The following DCDC1 variants were observed in gnomAD, a reference collection of about 807,000 sequenced individuals.
DCDC1 encodes doublecortin domain-containing protein 1.
In DCDC1, 200 loss-of-function variants were observed where a neutral mutation model predicts 178.3. The ratio of observed to expected loss-of-function variants is 1.12; its 90% CI spans 1.00 to 1.26. DCDC1 has a LOEUF of 1.26. DCDC1 is among the 50% of genes most tolerant of loss of function. DCDC1 has a pLI of 0.00. For synonymous variants in DCDC1, 690 were observed against 604.8 expected, an observed-to-expected ratio of 1.14 and a Z score of -2.07; for missense variants, 1,983 against 1,749.2, an observed-to-expected ratio of 1.13 and a Z score of -2.38.
chr11:31,052,562 C>T (rs948334331), intron 20 of DCDC1, among the ~76,000 whole-genome samples: 1 of 152,102 alleles, frequency 6.6e-6, no homozygotes, highest in Non-Finnish European at 1.5e-5. Context: ...TTCCATTCAA[C>T]AGTGCATGGA....
chr11:31,155,006 T>C (rs1424534090), intron 9 of DCDC1, among the ~76,000 whole-genome samples: 2 of 152,242 alleles, frequency 1.3e-5, no homozygotes, highest in Non-Finnish European at 2.9e-5. Context: ...AACTTGTAAC[T>C]AATATATAAC....
Position 30,928,040 on chromosome 11 carries a change from A to G in DCDC1, c.2898-2632T>C, listed in dbSNP as rs773374347. Among the ~76,000 whole-genome samples the G allele has an allele frequency of 2.6e-5, 4 of 152,140 alleles. No individual in the cohort carries two copies. The East Asian group carries it at 5.8e-4, about 22-fold the overall frequency. On this transcript the variant is annotated intron_variant, in intron 22 of 38. Transcript: ENST00000684477. ...ACCTCATATTGAAATTTGATCTCCAATGATGGAGATGAGGCCTAATGAGAG... is the reference window on the plus strand; with the variant it reads ...ACCTCATATTGAAATTTGATCTCCAGTGATGGAGATGAGGCCTAATGAGAG...
intron 16 of DCDC1, among the ~76,000 whole-genome samples, chr11:31,093,665 G>A (rs1440805149): frequency 1.3e-5 from 2 of 152,134 alleles, no homozygotes; most frequent in African/African-American, 4.8e-5. Flanking sequence ...ATGCAAAGTT[G>A]GTATATGTTG....
In DCDC1 at chr11:30,903,599, A is replaced by C. The variant is rs764592720; in HGVS notation, c.4393T>G (p.Leu1465Val). The change falls in exon 32 of 39, where the codon TTG (leucine) becomes GTG (valine). Residue 1465 changes from leucine (L) to valine (V), a missense_variant. Transcript: ENST00000684477. ...YTKDGTPIFT[L>V]RDLVLWALDE... The stretch of plus-strand genomic sequence containing the variant: ...AGAGCCCATAAAACCAAATCACGCA[A>C]GGTAAAGATTGGGGTTCCATCTTTG... 1.9e-6 allele frequency: 3 copies of C among 1,611,062 alleles called. No individual in the cohort carries two copies. The South Asian group carries it at 3.3e-5, about 18-fold the overall frequency.
chr11:31,310,782 T>G (rs1322871729), intron 3 of DCDC1, among the ~76,000 whole-genome samples: 1 of 152,060 alleles, frequency 6.6e-6, no homozygotes, highest in Non-Finnish European at 1.5e-5. Context: ...TGAAGGGTGT[T>G]AGGTTCCTTC....
chr11:31,300,330 A>G (rs986864048), intron 6 of DCDC1, among the ~76,000 whole-genome samples: 9 of 152,216 alleles, frequency 5.9e-5, no homozygotes, highest in African/African-American at 2.2e-4. Context: ...CTAGAAAGGT[A>G]AAAGTGGACA....
At chr11:31,334,024 G>A (rs892948979) in intron 2 of DCDC1, among the ~76,000 whole-genome samples, 6 of 152,144 alleles carry the variant, frequency 3.9e-5, no homozygotes, top group African/African-American at 7.2e-5. Flanking sequence ...CCAATCAAAC[G>A]TAGATTTGGT....
chr11:31,159,869 G>A (rs2136155831), intron 9 of DCDC1, among the ~76,000 whole-genome samples: 1 of 152,232 alleles, frequency 6.6e-6, no homozygotes, highest in East Asian at 1.9e-4. Context: ...CATTTGAAGT[G>A]ACACATATTT....
Position 31,157,412 on chromosome 11 carries a change from T to C in DCDC1, c.1222-19628A>G, listed in dbSNP as rs184751799. 2.0e-3 allele frequency among the ~76,000 whole-genome samples: 279 copies of C among 141,962 alleles called. 6 individuals carry two copies. Among genetic ancestry groups the C allele is most frequent in the Non-Finnish European group, 8.5e-4 (56 of 65,784 alleles). The allele number at this position is 141,962 out of a possible 152,430, so 93.1% of individuals were successfully genotyped here. A position where few individuals can be genotyped will look rare whatever the true frequency, so the allele number is the denominator to read the frequency against. On this transcript the variant is annotated intron_variant, in intron 9 of 38. Coordinates refer to ENST00000684477, the MANE Select transcript of DCDC1 (RefSeq NM_001387274.1). ...ACATATATATACACACACACACACA[T>C]ATATATACACACATATATATACATA...
At chr11:31,187,430 G>A (rs966722347) in intron 9 of DCDC1, among the ~76,000 whole-genome samples, 23 of 152,166 alleles carry the variant, frequency 1.5e-4, no homozygotes, top group Admixed American at 1.3e-3. Flanking sequence ...TCAATGACAG[G>A]AAATTATTGG....
At chr11:30,933,808 C>G (rs1947090067) in intron 21 of DCDC1, among the ~76,000 whole-genome samples, 1 of 152,148 alleles carries the variant, frequency 6.6e-6, no homozygotes, top group Non-Finnish European at 1.5e-5. Context: ...AGCTACCATG[C>G]CTTTCCATTT....
At chr11:30,936,615 G>C (rs1201599325) in intron 21 of DCDC1, among the ~76,000 whole-genome samples, 4 of 152,110 alleles carry the variant, frequency 2.6e-5, no homozygotes, top group Non-Finnish European at 5.9e-5. Flanking sequence ...GAAAGGGAGT[G>C]GGGAAGACTC....
At chr11:30,911,106 C>T (rs1241117620) in intron 28 of DCDC1, among the ~76,000 whole-genome samples, 2 of 152,062 alleles carry the variant, frequency 1.3e-5, no homozygotes, top group East Asian at 1.9e-4. Context: ...TAGTGCCTGA[C>T]ATGCAGCAAG....
chr11:31,316,377 G>C (rs1410865308), intron 3 of DCDC1, among the ~76,000 whole-genome samples: 7 of 113,716 alleles, frequency 6.2e-5, no homozygotes, highest in African/African-American at 2.7e-4. Context: ...TCTCATAGTG[G>C]TTTTGATTTG....
intron 20 of DCDC1, among the ~76,000 whole-genome samples, chr11:30,968,762 G>A (rs1949616059): frequency 1.1e-5 from 1 of 90,126 alleles, no homozygotes; most frequent in African/African-American, 4.3e-5. Flanking sequence ...GTGGTTTCAG[G>A]CATCCACTAG....
intron 7 of DCDC1, chr11:31,280,996 C>A: frequency 1.7e-6 from 1 of 598,100 alleles, no homozygotes; most frequent in Non-Finnish European, 3.2e-6. Context: ...ATATTTAATT[C>A]CCTTTTTCGT....
At chr11:31,090,496 T>A (rs1169334927) in intron 17 of DCDC1, among the ~76,000 whole-genome samples, 1 of 152,192 alleles carries the variant, frequency 6.6e-6, no homozygotes, top group East Asian at 1.9e-4. Flanking sequence ...CAGATTGTTG[T>A]AAGGATAAAA....
chr11:31,158,497 G>T (rs1405099213), intron 9 of DCDC1, among the ~76,000 whole-genome samples: 1 of 152,032 alleles, frequency 6.6e-6, no homozygotes, highest in Admixed American at 6.5e-5. Context: ...CTGAAATATT[G>T]TATTATTTAT....
intron 9 of DCDC1, among the ~76,000 whole-genome samples, chr11:31,236,064 A>T (rs1310566907): frequency 6.6e-6 from 1 of 152,098 alleles, no homozygotes; most frequent in African/African-American, 2.4e-5. Flanking sequence ...AGAAAAACAC[A>T]GATTTGAAAA....
Sources: gnomAD v4.1 joint callset for allele counts (sites outside exome capture counted in the v4.1 genomes callset) on GRCh38, gnomAD v4.1.1 for gene constraint, MANE v1.5 for transcripts, NCBI Gene and HGNC (gene_info 2026-07-23, HGNC 2026-07-21) for gene names.